The following GRID2 variants were observed in gnomAD, a reference collection of about 807,000 sequenced individuals.
The protein encoded by GRID2 is glutamate receptor ionotropic, delta-2.
GRID2 carries 33 observed loss-of-function variants against 114.8 expected under a neutral mutation model. The observed-to-expected ratio is 0.29, with a 90% CI of 0.22 to 0.38. The LOEUF (loss-of-function observed/expected upper bound fraction) is 0.38, where lower values mean the gene tolerates loss of function less well. Ranked by LOEUF, GRID2 falls within the 10% of genes least tolerant of loss-of-function variation. The probability of loss-of-function intolerance (pLI) is 1.00; values close to 1 mark genes in which losing one functional copy is unlikely to be tolerated. For synonymous variants in GRID2, 505 were observed against 449.9 expected (o/e 1.12, Z -1.55); for missense variants, 1,184 against 1,257.7 (o/e 0.94, Z 0.89).
chr4:92,315,383 A>G (rs1182568224), intron 1 of GRID2, among the ~76,000 whole-genome samples: 5 of 152,298 alleles, frequency 3.3e-5, no homozygotes, highest in South Asian at 2.1e-4. Flanking sequence ...GCAATGACTC[A>G]CAAAAAAAGC....
intron 13 of GRID2, among the ~76,000 whole-genome samples, chr4:93,600,601 T>C (rs1437828632): frequency 6.6e-6 from 1 of 152,114 alleles, no homozygotes; most frequent in Non-Finnish European, 1.5e-5. Flanking sequence ...TGACTAGAAC[T>C]TACATATATT....
chr4:92,975,366 T>A (rs1480221372), intron 2 of GRID2, among the ~76,000 whole-genome samples: 1 of 152,072 alleles, frequency 6.6e-6, no homozygotes, highest in East Asian at 1.9e-4. Context: ...TTCCTTAAGA[T>A]ACTTGGTTAG....
chr4:93,617,973 G>A (rs1034072220), intron 13 of GRID2, among the ~76,000 whole-genome samples: 1 of 150,760 alleles, frequency 6.6e-6, no homozygotes, highest in African/African-American at 2.5e-5. Context: ...GTATGGGTTT[G>A]ATACTACCCC....
intron 2 of GRID2, among the ~76,000 whole-genome samples, chr4:93,052,669 G>A (rs562129298): frequency 6.6e-6 from 1 of 151,946 alleles, no homozygotes; most frequent in South Asian, 2.1e-4. Flanking sequence ...GATGTTAGTG[G>A]CATGACTGTA....
intron 2 of GRID2, among the ~76,000 whole-genome samples, chr4:92,862,479 C>A (rs938151088): frequency 6.6e-6 from 1 of 151,870 alleles, no homozygotes; most frequent in African/African-American, 2.4e-5. Context: ...GATTTTTAAA[C>A]TTCTATTAGT....
At chr4:92,962,202 G>A (rs569805043) in intron 2 of GRID2, among the ~76,000 whole-genome samples, 2 of 152,052 alleles carry the variant, frequency 1.3e-5, no homozygotes, top group African/African-American at 4.8e-5. Context: ...CAAACTGTGT[G>A]TGTGTGTTTC....
chr4:93,313,424 TAA>T (rs1756235614), intron 8 of GRID2, among the ~76,000 whole-genome samples: 1 of 152,214 alleles, frequency 6.6e-6, no homozygotes, highest in Admixed American at 6.5e-5. Context: ...TTGAAATGAC[TAA>T]GTGTGTCTTT....
chr4:93,469,686 A>G (rs1165353340), intron 11 of GRID2, among the ~76,000 whole-genome samples: 1 of 152,102 alleles, frequency 6.6e-6, no homozygotes, highest in Non-Finnish European at 1.5e-5. Flanking sequence ...GATTAAATAG[A>G]CACTAGGTTC....
intron 2 of GRID2, among the ~76,000 whole-genome samples, chr4:92,709,589 A>AAATATATATATATATAT (rs779775767): frequency 8.7e-6 from 1 of 114,658 alleles, no homozygotes; most frequent in African/African-American, 3.4e-5. Flanking sequence ...AAAAAAAAAA[A>AAATATATATATATATAT]ATATATATAT....
chr4:92,563,775 C>T lies in GRID2; in HGVS notation c.89-26356C>T, dbSNP rs1468845192. Among the ~76,000 whole-genome samples the T allele has an allele frequency of 3.9e-5, 6 of 152,048 alleles. No homozygotes were observed. The East Asian group carries it at 1.2e-3, about 29-fold the overall frequency. On this transcript the variant is annotated intron_variant, in intron 1 of 15. Transcript: ENST00000282020. ...TGTGTCAAATTAGTCAGATATTTTT[C>T]TGTATCTTCCTTCTAGTTCCAACCT...
In GRID2 at chr4:92,971,438, T is replaced by C. The variant is rs906015347; in HGVS notation, c.245-113557T>C. Among the ~76,000 whole-genome samples, 17 of 152,150 alleles carry C rather than the reference T, an allele frequency of 1.1e-4. 1 individual carries two copies. Among genetic ancestry groups the C allele is most frequent in the Admixed American group, 3.3e-4 (5 of 15,254 alleles). ...TTTATTTTTAGTTGACATGTAATAA[T>C]TGTACATACACAGTTATATTTTAAT... On this transcript the variant is annotated intron_variant, in intron 2 of 15. Coordinates refer to ENST00000282020, the MANE Select transcript of GRID2 (RefSeq NM_001510.4).
chr4:93,154,529 T>C (rs1365403595), intron 4 of GRID2, among the ~76,000 whole-genome samples: 1 of 152,022 alleles, frequency 6.6e-6, no homozygotes, highest in Non-Finnish European at 1.5e-5. Flanking sequence ...ACAATATTTG[T>C]CATTTAAAAT....
intron 2 of GRID2, among the ~76,000 whole-genome samples, chr4:92,789,055 T>A (rs1048226575): frequency 2.6e-5 from 4 of 151,936 alleles, no homozygotes; most frequent in Non-Finnish European, 4.4e-5. Context: ...AAGATAATTT[T>A]GTCAGATATA....
intron 1 of GRID2, among the ~76,000 whole-genome samples, chr4:93,789,067 A>G (rs532491835): frequency 4.6e-5 from 7 of 152,314 alleles, no homozygotes; most frequent in African/African-American, 1.2e-4. Flanking sequence ...CTTCATATCC[A>G]TCCCAGCTGC....
At chr4:93,421,254 C>T (rs1768257828) in intron 9 of GRID2, among the ~76,000 whole-genome samples, 1 of 152,076 alleles carries the variant, frequency 6.6e-6, no homozygotes, top group South Asian at 2.1e-4. Context: ...CAGAATTAGT[C>T]ACATGGCCAT....
At chr4:92,739,497 A>G (rs1404302123) in intron 2 of GRID2, among the ~76,000 whole-genome samples, 2 of 152,004 alleles carry the variant, frequency 1.3e-5, no homozygotes, top group Non-Finnish European at 2.9e-5. Context: ...AACTTTTACC[A>G]TTCATTAACA....
At chr4:92,976,884 A>G (rs1208394445) in intron 2 of GRID2, among the ~76,000 whole-genome samples, 2 of 152,112 alleles carry the variant, frequency 1.3e-5, no homozygotes, top group Non-Finnish European at 2.9e-5. Context: ...GAAATCATAC[A>G]CTCTTACATT....
intron 1 of GRID2, among the ~76,000 whole-genome samples, chr4:92,435,015 G>C (rs76710638): frequency 6.6e-6 from 1 of 152,102 alleles, no homozygotes. Flanking sequence ...GTAGGAAAAT[G>C]CATATTTATA....
intron 4 of GRID2, among the ~76,000 whole-genome samples, chr4:93,170,854 C>CTTT (rs112575633): frequency 4.9e-4 from 71 of 145,778 alleles, no homozygotes; most frequent in African/African-American, 1.2e-3. Context: ...ATGTTTGATT[C>CTTT]TTTTTTTTTT....
Sources: gnomAD v4.1 joint callset for allele counts (sites outside exome capture counted in the v4.1 genomes callset) on GRCh38, gnomAD v4.1.1 for gene constraint, MANE v1.5 for transcripts, NCBI Gene and HGNC (gene_info 2026-07-23, HGNC 2026-07-21) for gene names.